Variants in TBC1D5 observed in about 807,000 individuals in gnomAD.
TBC1D5 encodes the protein TBC1 domain family member 5.
Under a neutral mutation model 100.3 loss-of-function variants are expected in TBC1D5, and 75 were observed. That is an observed-to-expected ratio of 0.75 (90% confidence interval 0.62 to 0.91). The LOEUF is 0.91. TBC1D5 is among the 40% of genes least tolerant of loss of function. TBC1D5 has a pLI of 0.00. For synonymous variants in TBC1D5, 323 were observed against 325.6 expected (o/e 0.99, Z 0.09); for missense variants, 910 against 942.4 (o/e 0.97, Z 0.45).
At chr3:17,185,459 G>C (rs1036260164) in intron 18 of TBC1D5, among the ~76,000 whole-genome samples, 1 of 152,168 alleles carries the variant, frequency 6.6e-6, no homozygotes, top group African/African-American at 2.4e-5. Context: ...TAAAGTTACA[G>C]TTAGATTGCA....
rs1449794685 is a variant in TBC1D5, at chr3:17,343,045, A to G, written c.995+29030T>C. Among the ~76,000 whole-genome samples, 4 of 152,228 alleles carry G rather than the reference A, an allele frequency of 2.6e-5. No individual in the cohort carries two copies. The South Asian group carries it at 8.3e-4, about 32-fold the overall frequency. On this transcript the variant is annotated intron_variant, in intron 13 of 21. Coordinates refer to ENST00000253692, the Ensembl canonical transcript of TBC1D5. ...AGAGAGGGCATCCCTGTCTTGTGCC[A>G]GTTTTCAAAGGGAATGCTTCCAGTT...
intron 13 of TBC1D5, among the ~76,000 whole-genome samples, chr3:17,312,514 T>C (rs1459127671): frequency 6.6e-6 from 1 of 152,206 alleles, no homozygotes; most frequent in East Asian, 1.9e-4. Flanking sequence ...GCTTTCTAAG[T>C]GTTCTTTGTA....
chr3:17,381,661 A>C (rs2152196583), intron 9 of TBC1D5, among the ~76,000 whole-genome samples: 1 of 152,110 alleles, frequency 6.6e-6, no homozygotes, highest in East Asian at 1.9e-4. Context: ...CTACACTAAT[A>C]GATTTTTTCC....
At chr3:17,703,327 A>G (rs867327631) in intron 1 of TBC1D5, among the ~76,000 whole-genome samples, 12 of 152,252 alleles carry the variant, frequency 7.9e-5, no homozygotes, top group Middle Eastern at 3.4e-3. Flanking sequence ...CCCTACATAT[A>G]TAGATACATC....
At chr3:17,507,562 CT>C (rs1226769069) in intron 3 of TBC1D5, among the ~76,000 whole-genome samples, 1 of 152,098 alleles carries the variant, frequency 6.6e-6, no homozygotes, top group African/African-American at 2.4e-5. Flanking sequence ...TAAAAGCAGA[CT>C]TTGGCATCAG....
intron 3 of TBC1D5, among the ~76,000 whole-genome samples, chr3:17,495,770 T>C (rs879934897): frequency 2.0e-5 from 3 of 152,226 alleles, no homozygotes; most frequent in Non-Finnish European, 4.4e-5. Flanking sequence ...TTGAGAATTA[T>C]AACTTTTTGT....
At chr3:17,193,364 T>C (rs2070222831) in intron 18 of TBC1D5, among the ~76,000 whole-genome samples, 1 of 152,240 alleles carries the variant, frequency 6.6e-6, no homozygotes, top group South Asian at 2.1e-4. Context: ...ATCCCTAGAA[T>C]TGACAAATTA....
At chr3:17,377,388 T>C (rs17043521) in intron 9 of TBC1D5, among the ~76,000 whole-genome samples, 4,464 of 152,152 alleles carry the variant, frequency 0.029, 217 homozygotes, top group African/African-American at 0.1. Context: ...TGTGGTGACA[T>C]ACAGTATTCC....
intron 16 of TBC1D5, among the ~76,000 whole-genome samples, chr3:17,255,602 G>A (rs2149374064): frequency 1.3e-5 from 2 of 152,024 alleles, no homozygotes; most frequent in Middle Eastern, 6.8e-3. Flanking sequence ...TTTTTGGTTT[G>A]TCTTTTGATT....
intron 1 of TBC1D5, among the ~76,000 whole-genome samples, chr3:17,647,596 A>G (rs1179904327): frequency 2.6e-5 from 4 of 152,150 alleles, no homozygotes; most frequent in African/African-American, 9.7e-5. Flanking sequence ...CCTGATGTGG[A>G]GCAGACTTGC....
At chr3:17,180,126 TA>T (rs1300110326) in intron 19 of TBC1D5, among the ~76,000 whole-genome samples, 2 of 152,202 alleles carry the variant, frequency 1.3e-5, no homozygotes, top group Admixed American at 1.3e-4. Flanking sequence ...AATCAACATG[TA>T]AAAAACCTCT....
At chr3:17,705,030 G>C (rs1240385154) in intron 1 of TBC1D5, among the ~76,000 whole-genome samples, 60 of 124,456 alleles carry the variant, frequency 4.8e-4, no homozygotes, top group African/African-American at 1.2e-3. Context: ...TCCCGGACGG[G>C]GCGGCTGGCC....
At position 17,255,901 on chromosome 3, in the gene TBC1D5, C is replaced by T. The variant is rs190628164; in HGVS notation, c.1331+2605G>A. ...AATACAAAAAATTAGCCAGGCGTGG[C>T]AGCGTGCGCCTGTAGTCCCAGCTAC... is the stretch of plus-strand genomic sequence containing the variant. On this transcript the variant is annotated intron_variant, in intron 16 of 21. Coordinates refer to ENST00000253692, the Ensembl canonical transcript of TBC1D5. 2.2e-3 allele frequency among the ~76,000 whole-genome samples: 334 copies of T among 152,128 alleles called. 1 individual carries two copies. Among genetic ancestry groups the T allele is most frequent in the Admixed American group, 4.0e-3 (61 of 15,294 alleles).
intron 8 of TBC1D5, among the ~76,000 whole-genome samples, chr3:17,388,313 A>C (rs1337369876): frequency 6.6e-6 from 1 of 152,124 alleles, no homozygotes. Flanking sequence ...CAAAATTGGT[A>C]GGCAATATAG....
chr3:17,302,208 A>G (rs960198859), intron 14 of TBC1D5, among the ~76,000 whole-genome samples: 4 of 152,144 alleles, frequency 2.6e-5, no homozygotes, highest in African/African-American at 9.7e-5. Flanking sequence ...AATGGCTGAA[A>G]ATCCTTGTCA....
At chr3:17,488,127 C>T (rs1482572927) in intron 3 of TBC1D5, among the ~76,000 whole-genome samples, 1 of 151,902 alleles carries the variant, frequency 6.6e-6, no homozygotes, top group Non-Finnish European at 1.5e-5. Flanking sequence ...TGTGCTCCAC[C>T]TATTCATTCT....
At chr3:17,679,895 C>T (rs901464460) in intron 1 of TBC1D5, among the ~76,000 whole-genome samples, 1 of 151,310 alleles carries the variant, frequency 6.6e-6, no homozygotes, top group Non-Finnish European at 1.5e-5. Context: ...TGCAGAATAC[C>T]TAGCATATCT....
At chr3:17,626,799 G>T (rs2063100904) in intron 1 of TBC1D5, among the ~76,000 whole-genome samples, 1 of 152,190 alleles carries the variant, frequency 6.6e-6, no homozygotes, top group Non-Finnish European at 1.5e-5. Flanking sequence ...AACATTCTCA[G>T]TATGTTGGGA....
chr3:17,733,917 T>C (rs2076760891), intron 1 of TBC1D5, among the ~76,000 whole-genome samples: 1 of 152,102 alleles, frequency 6.6e-6, no homozygotes, highest in Admixed American at 6.5e-5. Context: ...AACTCTTCTA[T>C]TTACCAGCAA....
Sources: gnomAD v4.1 joint callset for allele counts (sites outside exome capture counted in the v4.1 genomes callset) on GRCh38, gnomAD v4.1.1 for gene constraint, MANE v1.5 for transcripts, NCBI Gene and HGNC (gene_info 2026-07-23, HGNC 2026-07-21) for gene names.